Variants in SLC12A1 observed in about 807,000 individuals in gnomAD.
SLC12A1 encodes Na-K-2Cl cotransporter.
A neutral mutation model predicts 130.4 loss-of-function variants in SLC12A1; 89 were observed. The ratio of observed to expected loss-of-function variants is 0.68; its 90% CI spans 0.58 to 0.81. SLC12A1 has a LOEUF of 0.81. SLC12A1 is among the 40% of genes least tolerant of loss of function. SLC12A1 has a pLI of 0.00. For missense variants in SLC12A1, 1,310 were observed against 1,336.4 expected (o/e 0.98, Z 0.31); for synonymous variants, 499 against 460.0 (o/e 1.08, Z -1.09).
chr15:48,210,773 G>C (rs1039415562), intron 2 of SLC12A1, among the ~76,000 whole-genome samples: 14 of 151,496 alleles, frequency 9.2e-5, no homozygotes, highest in African/African-American at 3.4e-4. Flanking sequence ...TGAGGCAGGA[G>C]AATTGCTTGA....
intron 2 of SLC12A1, among the ~76,000 whole-genome samples, chr15:48,215,395 T>C (rs761231831): frequency 6.6e-5 from 10 of 152,246 alleles, no homozygotes; most frequent in African/African-American, 1.2e-4. Flanking sequence ...ACAGTTAAAA[T>C]TCTTAGTAAA....
chr15:48,292,332 A>G (rs1376658514), intron 24 of SLC12A1, among the ~76,000 whole-genome samples: 1 of 152,196 alleles, frequency 6.6e-6, no homozygotes, highest in African/African-American at 2.4e-5. Flanking sequence ...TTTAGGCACT[A>G]AAGGCCCAAC....
intron 17 of SLC12A1, among the ~76,000 whole-genome samples, chr15:48,267,027 A>C (rs1218407551): frequency 2.0e-5 from 3 of 152,188 alleles, no homozygotes; most frequent in Admixed American, 2.0e-4. Flanking sequence ...TTACACAGGG[A>C]AAAGTGGTAT....
intron 21 of SLC12A1, 135 bp from the exon 22 acceptor site, chr15:48,287,908 T>C: frequency 1.1e-6 from 1 of 896,310 alleles, no homozygotes; most frequent in Non-Finnish European, 1.6e-6. Context: ...TTTTGAAGAA[T>C]ACCGCTATTT....
rs747123535 is a variant in SLC12A1 at position 48,285,101 on chromosome 15, A to G, written c.2486-5A>G. 5.1e-6 allele frequency: 8 copies of G among 1,569,916 alleles called. No homozygotes were observed. Among genetic ancestry groups the G allele is most frequent in the Admixed American group, 3.8e-5 (2 of 52,998 alleles). ...TAAGTAGGTGATTTTGTCTTCTTTC[A>G]TCAGAGGAATTAGAGAGATTAGAAC... is the stretch of plus-strand genomic sequence containing the variant. On this transcript the variant is annotated splice_region_variant and splice_polypyrimidine_tract_variant and intron_variant, in intron 20 of 26. Coordinates refer to ENST00000380993, the MANE Select transcript of SLC12A1 (RefSeq NM_000338.3).
At chr15:48,247,053 G>A (rs1326966209) in intron 12 of SLC12A1, 37 bp downstream of exon 12, 12 of 1,449,438 alleles carry the variant, frequency 8.3e-6, no homozygotes, top group Non-Finnish European at 1.2e-5. Context: ...TCTCCCTATT[G>A]CTATTTCCAC....
chr15:48,231,445 G>A (rs997318768), intron 7 of SLC12A1, among the ~76,000 whole-genome samples: 8 of 152,218 alleles, frequency 5.3e-5, no homozygotes, highest in African/African-American at 1.9e-4. Flanking sequence ...TATTCCCTGA[G>A]TGAGGCAATG....
chr15:48,246,464 C>A (rs912173779), intron 11 of SLC12A1, among the ~76,000 whole-genome samples: 1 of 152,118 alleles, frequency 6.6e-6, no homozygotes, highest in African/African-American at 2.4e-5. Context: ...AAGGCCATTT[C>A]TATTTTTAAA....
At chr15:48,252,973 T>A (rs2041664827) in intron 15 of SLC12A1, among the ~76,000 whole-genome samples, 1 of 152,186 alleles carries the variant, frequency 6.6e-6, no homozygotes, top group Non-Finnish European at 1.5e-5. Flanking sequence ...AATAGGAAGA[T>A]GCCACAGGCT....
intron 2 of SLC12A1, among the ~76,000 whole-genome samples, chr15:48,219,920 G>T (rs1436657812): frequency 6.6e-6 from 1 of 151,820 alleles, no homozygotes; most frequent in Admixed American, 6.6e-5. Flanking sequence ...TGGGTGTGGT[G>T]GTGCGCGCCT....
At chr15:48,239,785 G>A (rs886266663) in intron 9 of SLC12A1, among the ~76,000 whole-genome samples, 1 of 151,044 alleles carries the variant, frequency 6.6e-6, no homozygotes, top group African/African-American at 2.4e-5. Context: ...CGAGCAGCTG[G>A]GATTACAGGC....
chr15:48,270,947 G>A (rs992750389), intron 19 of SLC12A1, among the ~76,000 whole-genome samples: 2 of 150,656 alleles, frequency 1.3e-5, no homozygotes, highest in Non-Finnish European at 3.0e-5. Flanking sequence ...CTTTCAACCA[G>A]GCATGGTGGC....
Position 48,220,720 on chromosome 15 carries a change from T to C in SLC12A1, c.507T>C (p.Asp169=). 6.2e-7 allele frequency: 1 copy of C among 1,613,914 alleles called. No homozygotes were observed. The highest frequency in any genetic ancestry group is 8.5e-7 in the Non-Finnish European group (1 of 1,179,864). ...ATGAACAAGCTGAAAATAAGGAAGA[T>C]GATCAAGCTGGTGTTGTGAAGTTTG... ...PGDEQAENKE[D]DQAGVVKFGW... The change falls in exon 3 of 27, where the codon GAT becomes GAC. Residue 169 remains aspartate (D), a synonymous_variant. Transcript: ENST00000380993.
At chr15:48,272,178 A>G (rs1056962760) in intron 19 of SLC12A1, among the ~76,000 whole-genome samples, 5 of 152,336 alleles carry the variant, frequency 3.3e-5, no homozygotes, top group African/African-American at 1.2e-4. Context: ...CCAGATTTGT[A>G]CTAGTATAAA....
Position 48,259,464 on chromosome 15 carries a change from A to G in SLC12A1, c.2154+153A>G, listed in dbSNP as rs537521504. 5.9e-5 allele frequency among the ~76,000 whole-genome samples: 9 copies of G among 152,334 alleles called. No individual in the cohort carries two copies. In the South Asian group the frequency reaches 1.0e-3, roughly 18 times the overall value. On this transcript the variant is annotated intron_variant, in intron 17 of 26. Transcript: ENST00000380993. ...TACCTTGATTCATAGAGCAAGGACA[A>G]GCAAGAGCCCGTGATCCTGAATTTA...
intron 26 of SLC12A1, among the ~76,000 whole-genome samples, chr15:48,302,204 T>C (rs979022390): frequency 1.1e-4 from 16 of 152,232 alleles, no homozygotes; most frequent in African/African-American, 3.6e-4. Flanking sequence ...TACATTTTTG[T>C]TTTGTCTTTA....
At chr15:48,215,751 C>T (rs2041113403) in intron 2 of SLC12A1, among the ~76,000 whole-genome samples, 1 of 152,182 alleles carries the variant, frequency 6.6e-6, no homozygotes, top group South Asian at 2.1e-4. Flanking sequence ...TTTGCTTTGC[C>T]ATGTCAGAAC....
chr15:48,247,782 C>T (rs796623687), intron 13 of SLC12A1, among the ~76,000 whole-genome samples: 1 of 152,294 alleles, frequency 6.6e-6, no homozygotes, highest in Non-Finnish European at 1.5e-5. Context: ...GACCTGATGG[C>T]TAGCAGAATT....
At chr15:48,249,547 T>C (rs2041623821) in intron 13 of SLC12A1, 28 bp from the exon 14 acceptor site, 3 of 1,552,368 alleles carry the variant, frequency 1.9e-6, no homozygotes, top group African/African-American at 2.7e-5. Flanking sequence ...CACTCATACG[T>C]ACATGTTCAA....
Sources: gnomAD v4.1 joint callset for allele counts (sites outside exome capture counted in the v4.1 genomes callset) on GRCh38, gnomAD v4.1.1 for gene constraint, MANE v1.5 for transcripts, NCBI Gene and HGNC (gene_info 2026-07-23, HGNC 2026-07-21) for gene names.